SH3GL2: variants seen among roughly 807,000 people sequenced by gnomAD.
SH3GL2 encodes the protein endophilin-A1.
Under a neutral mutation model 46.0 loss-of-function variants are expected in SH3GL2, and 24 were observed. That is an observed-to-expected ratio of 0.52 (90% CI 0.38 to 0.73). SH3GL2 has a LOEUF of 0.73. Among genes scored for constraint, SH3GL2 ranks in the 30% least tolerant of loss-of-function variants. The pLI is 0.00. For missense variants in SH3GL2, 413 were observed against 424.2 expected (o/e 0.97, Z 0.23); for synonymous variants, 196 against 147.1 (o/e 1.33, Z -2.40).
At chr9:17,783,111 G>T (rs1288169612) in intron 3 of SH3GL2, among the ~76,000 whole-genome samples, 5 of 152,072 alleles carry the variant, frequency 3.3e-5, no homozygotes, top group Non-Finnish European at 7.4e-5. Flanking sequence ...CTGTTGTGTT[G>T]TCTGTGCTGG....
rs1823172991 is a variant in SH3GL2, at chr9:17,761,492, A to G, written c.170A>G (p.Tyr57Cys). 6.3e-7 allele frequency: 1 copy of G among 1,596,952 alleles called. No individual in the cohort carries two copies. The highest frequency in any genetic ancestry group is 8.6e-7 in the Non-Finnish European group (1 of 1,164,316). Reference protein sequence around the residue: ...VMEIMTKTIEYLQPNPASRAK... With the variant: ...VMEIMTKTIECLQPNPASRAK... ...GAAATAATGACTAAAACAATTGAAT[A>G]CCTTCAACCCAATCCAGGTAAGGCA... The change falls in exon 3 of 9, where the codon TAC becomes TGC. Residue 57 changes from tyrosine to cysteine, a missense_variant. Physicochemically the swap from Tyr to Cys is radical, Grantham distance 194. Transcript: ENST00000380607.
At chr9:17,650,688 T>A (rs891722968) in intron 1 of SH3GL2, among the ~76,000 whole-genome samples, 1 of 152,214 alleles carries the variant, frequency 6.6e-6, no homozygotes, top group African/African-American at 2.4e-5. Flanking sequence ...TGAAGCATAT[T>A]TTTGTAAATC....
At chr9:17,745,085 A>C (rs1243509575) in intron 1 of SH3GL2, among the ~76,000 whole-genome samples, 2 of 152,190 alleles carry the variant, frequency 1.3e-5, no homozygotes, top group Non-Finnish European at 2.9e-5. Context: ...TCTACTATAC[A>C]CAAGTATCGG....
chr9:17,645,258 C>G (rs1400039097), intron 1 of SH3GL2, among the ~76,000 whole-genome samples: 1 of 141,564 alleles, frequency 7.1e-6, no homozygotes, highest in Non-Finnish European at 1.5e-5. Flanking sequence ...TGAGATGGGT[C>G]TCCTGAATAC....
chr9:17,789,164 C>A (rs1489098390), intron 5 of SH3GL2, among the ~76,000 whole-genome samples: 1 of 152,180 alleles, frequency 6.6e-6, no homozygotes, highest in Non-Finnish European at 1.5e-5. Flanking sequence ...CTGATATTTC[C>A]TATAATTTAT....
intron 1 of SH3GL2, among the ~76,000 whole-genome samples, chr9:17,663,887 C>T (rs1820281787): frequency 6.6e-6 from 1 of 152,178 alleles, no homozygotes; most frequent in Admixed American, 6.5e-5. Flanking sequence ...CTTGTCACTT[C>T]ATGAACTTAT....
chr9:17,686,731 T>C (rs1588239512), intron 1 of SH3GL2, among the ~76,000 whole-genome samples: 1 of 139,846 alleles, frequency 7.2e-6, no homozygotes, highest in Admixed American at 7.7e-5. Context: ...TAGGTGGGAA[T>C]TGAACAGTGA....
chr9:17,747,315 C>T (rs1169739685), intron 2 of SH3GL2, among the ~76,000 whole-genome samples, 181 bp downstream of exon 2: 1 of 152,178 alleles, frequency 6.6e-6, no homozygotes, highest in African/African-American at 2.4e-5. Flanking sequence ...ATTCTGTCTT[C>T]CCTTTGTACT....
intron 1 of SH3GL2, among the ~76,000 whole-genome samples, chr9:17,731,655 C>G (rs1822187287): frequency 6.6e-6 from 1 of 152,104 alleles, no homozygotes; most frequent in African/African-American, 2.4e-5. Context: ...TTTAAGCTTA[C>G]CCGGTCTCTG....
chr9:17,755,225 G>C (rs115663919), intron 2 of SH3GL2, among the ~76,000 whole-genome samples: 1 of 152,170 alleles, frequency 6.6e-6, no homozygotes, highest in Non-Finnish European at 1.5e-5. Context: ...AAAACCTTTT[G>C]TACATCTATT....
intron 1 of SH3GL2, among the ~76,000 whole-genome samples, chr9:17,710,362 C>T (rs1369406604): frequency 6.6e-6 from 1 of 151,864 alleles, no homozygotes; most frequent in Non-Finnish European, 1.5e-5. Flanking sequence ...TGGGTATGTC[C>T]TTATAACAGC....
intron 3 of SH3GL2, among the ~76,000 whole-genome samples, chr9:17,783,148 A>G (rs950647123): frequency 1.3e-5 from 2 of 152,028 alleles, no homozygotes; most frequent in African/African-American, 2.4e-5. Context: ...TTGAACACTG[A>G]TAACAGTCTT....
intron 1 of SH3GL2, among the ~76,000 whole-genome samples, chr9:17,742,145 T>C (rs1822544061): frequency 1.3e-5 from 2 of 152,310 alleles, no homozygotes; most frequent in South Asian, 4.1e-4. Context: ...ATTTCACTGA[T>C]GATGCGGTTT....
intron 1 of SH3GL2, among the ~76,000 whole-genome samples, chr9:17,628,041 A>C (rs1819324214): frequency 6.6e-6 from 1 of 152,162 alleles, no homozygotes; most frequent in East Asian, 1.9e-4. Flanking sequence ...GGGTCAGAGG[A>C]GTGATTTCTC....
intron 1 of SH3GL2, among the ~76,000 whole-genome samples, chr9:17,602,087 G>T (rs1207365655): frequency 1.3e-5 from 2 of 152,140 alleles, no homozygotes; most frequent in African/African-American, 4.8e-5. Context: ...CACAGAAACA[G>T]CTCTATTTAT....
intron 1 of SH3GL2, among the ~76,000 whole-genome samples, chr9:17,617,332 T>G (rs1266019020): frequency 6.6e-6 from 1 of 152,218 alleles, no homozygotes; most frequent in African/African-American, 2.4e-5. Context: ...AAGATGGTTT[T>G]AGGATTGTCC....
intron 1 of SH3GL2, among the ~76,000 whole-genome samples, chr9:17,682,048 A>C (rs1412294978): frequency 6.6e-6 from 1 of 152,176 alleles, no homozygotes; most frequent in Non-Finnish European, 1.5e-5. Flanking sequence ...GGCGATTATT[A>C]AAAAGTCAAG....
intron 2 of SH3GL2, 116 bp from the exon 3 acceptor site, chr9:17,761,321 C>A: frequency 1.4e-6 from 1 of 703,688 alleles, no homozygotes; most frequent in Non-Finnish European, 2.6e-6. Flanking sequence ...TCACCTACTG[C>A]GGGACTTGTC....
At chr9:17,587,414 C>T (rs1216402548) in intron 1 of SH3GL2, among the ~76,000 whole-genome samples, 1 of 151,964 alleles carries the variant, frequency 6.6e-6, no homozygotes, top group Non-Finnish European at 1.5e-5. Context: ...CTTGTTCTTT[C>T]TTATATATAT....
Sources: allele counts gnomAD v4.1 joint callset (sites outside exome capture counted in the v4.1 genomes callset), GRCh38; gene constraint gnomAD v4.1.1; transcripts MANE v1.5; gene names NCBI Gene and HGNC (gene_info 2026-07-23, HGNC 2026-07-21).